The following MAP4 variants were observed in gnomAD, a reference collection of about 807,000 sequenced individuals.
The protein encoded by MAP4 is microtubule associated protein 4.
Under a neutral mutation model 170.2 loss-of-function variants are expected in MAP4, and 76 were observed. The ratio of observed to expected loss-of-function variants is 0.45; its 90% CI spans 0.37 to 0.54. MAP4 has a LOEUF of 0.54. MAP4 is among the 20% of genes least tolerant of loss of function. The probability of loss-of-function intolerance (pLI) is 0.00; values close to 1 mark genes in which losing one functional copy is unlikely to be tolerated. For synonymous variants in MAP4, 909 were observed against 994.5 expected (o/e 0.91, Z 1.62); for missense variants, 2,506 against 2,748.0 (o/e 0.91, Z 1.97).
intron 1 of MAP4, among the ~76,000 whole-genome samples, chr3:48,045,984 C>CTTTTTTTTTTTTTTTTTTTTTTTTTTT (rs59624917): frequency 7.6e-6 from 1 of 130,848 alleles, no homozygotes; most frequent in Non-Finnish European, 1.6e-5. Context: ...TGCATCACTT[C>CTTTTTTTTTTTTTTTTTTTTTTTTTTT]TTTTTTTTTT....
At position 47,910,218 on chromosome 3, in the gene MAP4, T is replaced by A. The variant is rs1240198786; in HGVS notation, c.4203A>T (p.Gly1401=). 1 of 1,612,168 alleles carries A rather than the reference T, an allele frequency of 6.2e-7. No individual in the cohort carries two copies. Among genetic ancestry groups the A allele is most frequent in the African/African-American group, 1.3e-5 (1 of 74,922 alleles). Residue 1401 remains glycine (G), a synonymous_variant, in exon 9 of 21, where the codon GGA becomes GGT. Coordinates refer to ENST00000683076, the MANE Select transcript of MAP4 (RefSeq NM_001385682.1). The part of the protein sequence containing the change: ...HVPMETTGDQ[G]IEGMAYMDEN... Reference sequence around the variant, plus strand: ...CGTCCATATAGGCCATTCCTTCAATTCCCTGGTCCCCTGTGGTTTCCATGG... The same window carrying A: ...CGTCCATATAGGCCATTCCTTCAATACCCTGGTCCCCTGTGGTTTCCATGG...
chr3:47,958,824 T>C (rs1335616902), intron 3 of MAP4, among the ~76,000 whole-genome samples: 2 of 151,846 alleles, frequency 1.3e-5, no homozygotes, highest in Non-Finnish European at 2.9e-5. Flanking sequence ...GCTGGGTCTA[T>C]AGGCGTGCAC....
chr3:47,885,753 G>C (rs2097484894), intron 10 of MAP4, among the ~76,000 whole-genome samples: 1 of 149,900 alleles, frequency 6.7e-6, no homozygotes, highest in Non-Finnish European at 1.5e-5. Context: ...TTTTGAGACG[G>C]AATCTCGCTC....
rs1478168548 is a variant in MAP4 at position 47,909,669 on chromosome 3, C to A, written c.4752G>T (p.Gln1584His). The A allele has an allele frequency of 6.2e-7, 1 of 1,613,986 alleles. No homozygotes were observed. The highest frequency in any genetic ancestry group is 1.1e-5 in the South Asian group (1 of 91,084). ...HLLPGVPVED[Q>H]SLPGEARALE... is the part of the protein sequence containing the mutation. ...GGGCTCTGGCCTCTCCTGGTAGGCTCTGGTCTTCTACTGGCACTCCAGGAA... is the reference window on the plus strand; with the variant it reads ...GGGCTCTGGCCTCTCCTGGTAGGCTATGGTCTTCTACTGGCACTCCAGGAA... Residue 1584 changes from glutamine to histidine, a missense_variant, in exon 9 of 21, where the codon CAG (glutamine) becomes CAT (histidine). Coordinates refer to ENST00000683076, the MANE Select transcript of MAP4 (RefSeq NM_001385682.1).
intron 3 of MAP4, among the ~76,000 whole-genome samples, chr3:47,966,331 C>G (rs1297010565): frequency 7.2e-6 from 1 of 138,762 alleles, no homozygotes; most frequent in Non-Finnish European, 1.5e-5. Context: ...TATGTAAGCT[C>G]TGCCTCCTAG....
intron 1 of MAP4, among the ~76,000 whole-genome samples, chr3:48,083,092 T>A (rs2100147413): frequency 6.6e-6 from 1 of 152,204 alleles, no homozygotes; most frequent in South Asian, 2.1e-4. Flanking sequence ...TGTGGTATCC[T>A]GGATTGGATC....
chr3:48,039,990 CT>C (rs2100120809), intron 1 of MAP4, among the ~76,000 whole-genome samples: 1 of 152,188 alleles, frequency 6.6e-6, no homozygotes, highest in African/African-American at 2.4e-5. Context: ...AAAGGCATTT[CT>C]GTTGCCCAGT....
intron 18 of MAP4, among the ~76,000 whole-genome samples, chr3:47,856,981 G>A (rs1353486357): frequency 2.0e-5 from 3 of 152,224 alleles, no homozygotes; most frequent in African/African-American, 2.4e-5. Flanking sequence ...GTTGCTGAAC[G>A]CCTCCCATTC....
intron 1 of MAP4, among the ~76,000 whole-genome samples, chr3:48,057,203 TG>T (rs2154555156): frequency 6.8e-6 from 1 of 147,794 alleles, no homozygotes; most frequent in African/African-American, 2.5e-5. Flanking sequence ...AGAGATCGGA[TG>T]GTTGCCGTGT....
chr3:47,855,182 C>A lies in MAP4; in HGVS notation c.6696+66G>T, dbSNP rs1050671432. The A allele has an allele frequency of 8.8e-7, 1 of 1,132,586 alleles. No individual in the cohort carries two copies. 70.2% of individuals were successfully genotyped at this position (1,132,586 alleles called of 1,614,324 possible). On this transcript the variant is annotated intron_variant, in intron 19 of 20. Transcript: ENST00000683076. This position sits in a 1 kb window ranked among gnomAD's most constrained non-coding sequence, Gnocchi z 5.1. Reference sequence around the variant, plus strand: ...GGTGACAGGTGCCTACCTGTGAGGACCCTGACCCTAACTGCATAGTTCCCA... The same window carrying A: ...GGTGACAGGTGCCTACCTGTGAGGAACCTGACCCTAACTGCATAGTTCCCA...
chr3:47,932,542 CA>C (rs2100050488), intron 3 of MAP4, among the ~76,000 whole-genome samples: 1 of 152,240 alleles, frequency 6.6e-6, no homozygotes, highest in South Asian at 2.1e-4. Flanking sequence ...ATCCCAATAA[CA>C]ATACATGAGG....
rs1203682218 is a variant in MAP4, at chr3:47,911,532, G to T, written c.2889C>A (p.Pro963=). The T allele has an allele frequency of 6.5e-7, 1 of 1,535,872 alleles. No individual in the cohort carries two copies. The highest frequency in any genetic ancestry group is 2.4e-5 in the East Asian group (1 of 40,910). Residue 963 remains proline (P), a synonymous_variant, in exon 9 of 21, where the codon CCC becomes CCA. Transcript: ENST00000683076. The surrounding 1 kb of genome is among the most constrained non-coding windows in gnomAD (Gnocchi z 4.0). ...DQEVMGVVSK[P]TAAKEIPNLV... is the part of the protein sequence containing the mutation. ...AATTTGGTATTTCTTTTGCTGCTGT[G>T]GGTTTTGAAACTACACCCATAACCT...
chr3:47,937,747 T>C (rs2153967464), intron 3 of MAP4, among the ~76,000 whole-genome samples: 1 of 147,090 alleles, frequency 6.8e-6, no homozygotes, highest in Non-Finnish European at 1.5e-5. Flanking sequence ...CTGCAACCTC[T>C]GCCTCCCGGG....
intron 1 of MAP4, among the ~76,000 whole-genome samples, chr3:48,026,918 CTACA>C (rs1318725740): frequency 2.6e-5 from 4 of 152,322 alleles, no homozygotes; most frequent in Non-Finnish European, 5.9e-5. Context: ...CCCAAAAACC[CTACA>C]TATCAATACA....
chr3:48,044,932 G>C (rs1039501721), intron 1 of MAP4, among the ~76,000 whole-genome samples: 1 of 145,330 alleles, frequency 6.9e-6, no homozygotes, highest in Non-Finnish European at 1.5e-5. Flanking sequence ...CTGGGCAACA[G>C]AGCAAGATCC....
intron 1 of MAP4, among the ~76,000 whole-genome samples, chr3:48,083,965 T>C (rs564571755): frequency 2.0e-5 from 3 of 151,760 alleles, no homozygotes; most frequent in South Asian, 4.2e-4. Flanking sequence ...CCTCAAGTGA[T>C]CCCCCTGCCT....
At chr3:48,072,001 G>A (rs1040356139) in intron 1 of MAP4, among the ~76,000 whole-genome samples, 13 of 151,824 alleles carry the variant, frequency 8.6e-5, no homozygotes, top group Non-Finnish European at 1.5e-4. Flanking sequence ...CAGGTGGATC[G>A]CTTGAGGTCA....
chr3:48,067,758 G>A (rs1304084710), intron 1 of MAP4, among the ~76,000 whole-genome samples: 1 of 151,274 alleles, frequency 6.6e-6, no homozygotes, highest in African/African-American at 2.4e-5. Context: ...TCCTGCCTTA[G>A]CCTCCCGAGT....
chr3:47,909,934 G>A lies in MAP4; in HGVS notation c.4487C>T (p.Pro1496Leu). 1 of 1,613,956 alleles carries A rather than the reference G, an allele frequency of 6.2e-7. No individual in the cohort carries two copies. Among genetic ancestry groups the A allele is most frequent in the Non-Finnish European group, 8.5e-7 (1 of 1,179,858 alleles). ...GVPGQERPKG[P>L]SAVVPSTSTG... ...GCTTGTAGAGGGCACAACAGCAGAG[G>A]GACCCTTGGGTCTTTCTTGACCTGG... Residue 1496 changes from proline to leucine, a missense_variant, in exon 9 of 21, where the codon CCC becomes CTC. Coordinates refer to ENST00000683076, the MANE Select transcript of MAP4 (RefSeq NM_001385682.1).
Sources: gnomAD v4.1 joint callset for allele counts (sites outside exome capture counted in the v4.1 genomes callset) on GRCh38, gnomAD v4.1.1 for gene constraint, Gnocchi (gnomAD v3.1) non-coding constraint, MANE v1.5 for transcripts, NCBI Gene and HGNC (gene_info 2026-07-23, HGNC 2026-07-21) for gene names.